The following CPT1A variants were observed in gnomAD, a reference collection of about 807,000 sequenced individuals.
CPT1A encodes the protein carnitine O-palmitoyltransferase 1, liver isoform.
In CPT1A, 64 loss-of-function variants were observed where a neutral mutation model predicts 100.8. That is an observed-to-expected ratio of 0.63 (90% CI 0.52 to 0.78). CPT1A has a LOEUF of 0.78. Among genes scored for constraint, CPT1A ranks in the 30% least tolerant of loss-of-function variants. The pLI is 0.00. For missense variants in CPT1A, 802 were observed against 1,034.1 expected (o/e 0.78, Z 3.08); for synonymous variants, 363 against 396.0 (o/e 0.92, Z 0.99).
intron 14 of CPT1A, among the ~76,000 whole-genome samples, chr11:68,764,930 G>A (rs777490473): frequency 3.1e-4 from 47 of 152,192 alleles, no homozygotes; most frequent in Non-Finnish European, 5.7e-4. Flanking sequence ...GTAGCTGGCC[G>A]CCTTGGGGAG....
intron 9 of CPT1A, among the ~76,000 whole-genome samples, chr11:68,790,635 G>T (rs1182490948): frequency 6.6e-6 from 1 of 152,068 alleles, no homozygotes; most frequent in African/African-American, 2.4e-5. Context: ...CTTGATCTCG[G>T]ACTCTGGCCT....
intron 9 of CPT1A, chr11:68,786,013 G>A (rs1465012846): frequency 1.4e-6 from 1 of 702,312 alleles, no homozygotes; most frequent in Admixed American, 2.0e-5. Flanking sequence ...GATGCACAGT[G>A]ACAGCTGATC....
intron 4 of CPT1A, among the ~76,000 whole-genome samples, chr11:68,804,987 G>C (rs550334892): frequency 1.3e-5 from 2 of 152,320 alleles, no homozygotes; most frequent in Admixed American, 6.5e-5. Context: ...TGGTACTGCA[G>C]GGCATTGGGA....
intron 7 of CPT1A, among the ~76,000 whole-genome samples, chr11:68,795,260 A>C (rs1186663365): frequency 6.6e-6 from 1 of 152,240 alleles, no homozygotes; most frequent in African/African-American, 2.4e-5. Flanking sequence ...AGGTTAAAAT[A>C]GTTGTTTATA....
chr11:68,764,306 C>T (rs1854722467), intron 14 of CPT1A, among the ~76,000 whole-genome samples: 1 of 152,220 alleles, frequency 6.6e-6, no homozygotes, highest in South Asian at 2.1e-4. Context: ...CAAATGATTC[C>T]TGACCAGACA....
At chr11:68,836,291 C>A (rs1309378082) in intron 1 of CPT1A, among the ~76,000 whole-genome samples, 1 of 152,096 alleles carries the variant, frequency 6.6e-6, no homozygotes, top group Non-Finnish European at 1.5e-5. Context: ...GCCTGGGCAA[C>A]ATAGTGAGGC....
At chr11:68,790,939 T>A (rs1855597449) in intron 9 of CPT1A, among the ~76,000 whole-genome samples, 1 of 152,154 alleles carries the variant, frequency 6.6e-6, no homozygotes, top group Admixed American at 6.5e-5. Flanking sequence ...TCCTCCTACC[T>A]CTGCCTCCTG....
intron 13 of CPT1A, among the ~76,000 whole-genome samples, chr11:68,774,375 C>T (rs1353412459): frequency 6.6e-6 from 1 of 152,088 alleles, no homozygotes; most frequent in African/African-American, 2.4e-5. Flanking sequence ...TTCAAATAGT[C>T]ACACGTCATC....
chr11:68,759,758 T>A (rs915484123), intron 17 of CPT1A, 97 bp from the exon 18 acceptor site: 3 of 910,302 alleles, frequency 3.3e-6, no homozygotes, highest in Non-Finnish European at 5.4e-6. Context: ...CGGGGCTCGG[T>A]GGCTTCTCCT....
rs761564882 is a variant in CPT1A, at chr11:68,812,590, C to T, written c.142-14G>A. 2.5e-6 allele frequency: 4 copies of T among 1,614,060 alleles called. No homozygotes were observed. Among genetic ancestry groups the T allele is most frequent in the East Asian group, 2.2e-5 (1 of 44,876 alleles). ...GATGATGCCGTTCTAAAGACAGACA[C>T]CCGGGCCGTGAGCGGTGTCCTCCCA... On this transcript the variant is annotated splice_polypyrimidine_tract_variant and intron_variant, in intron 2 of 18. Coordinates refer to ENST00000265641, the MANE Select transcript of CPT1A (RefSeq NM_001876.4).
Position 68,776,955 on chromosome 11 carries a change from CA to C in CPT1A, c.1459-1524del, listed in dbSNP as rs199845908. Among the ~76,000 whole-genome samples, 955 of 152,292 alleles carry C rather than the reference CA, an allele frequency of 6.3e-3. 11 individuals carry two copies. Among genetic ancestry groups the C allele is most frequent in the African/African-American group, 0.021 (893 of 41,562 alleles). ...TACATTCTAGTGAGGGAGGTAAAAA[CA>C]ACAACACAAGGTCGGGGTGACTGTC... On this transcript the variant is annotated intron_variant, in intron 12 of 18. Coordinates refer to ENST00000265641, the MANE Select transcript of CPT1A (RefSeq NM_001876.4).
intron 15 of CPT1A, 32 bp downstream of exon 15, chr11:68,762,595 C>T (rs1360636897): frequency 6.2e-7 from 1 of 1,611,856 alleles, no homozygotes; most frequent in Non-Finnish European, 8.5e-7. Flanking sequence ...GTGTGACAAG[C>T]ACGTTGTGTC....
At chr11:68,805,310 G>A (rs1285128536) in intron 4 of CPT1A, among the ~76,000 whole-genome samples, 1 of 152,058 alleles carries the variant, frequency 6.6e-6, no homozygotes, top group Non-Finnish European at 1.5e-5. Flanking sequence ...AATTAGCTGG[G>A]CGTGGTGGTG....
intron 10 of CPT1A, among the ~76,000 whole-genome samples, chr11:68,783,184 C>A (rs1855362236): frequency 6.6e-6 from 1 of 152,136 alleles, no homozygotes; most frequent in African/African-American, 2.4e-5. Context: ...CAGGCCCTCA[C>A]TACTTGGGCC....
chr11:68,769,913 G>C lies in CPT1A; in HGVS notation c.1740+3352C>G, dbSNP rs141836784. On this transcript the variant is annotated intron_variant, in intron 14 of 18. Coordinates refer to ENST00000265641, the MANE Select transcript of CPT1A (RefSeq NM_001876.4). ...AAGATACAAAAATTAGCCAGGTGTG[G>C]TGGCAGGCACCTGTAGTTTCAGCTA... 7.6e-4 allele frequency among the ~76,000 whole-genome samples: 116 copies of C among 152,238 alleles called. 1 individual carries two copies. The highest frequency in any genetic ancestry group is 4.1e-3 in the East Asian group (21 of 5,170).
Position 68,757,102 on chromosome 11 carries a change from CAGACGGGA to C in CPT1A, c.*534_*541del, listed in dbSNP as rs1416961156. ...GAGAGGCAAACACAGGCTACTGGAC[CAGACGGGA>C]ACGGTTACCCACGGTGACAAAAGCA... On this transcript the variant is annotated 3_prime_UTR_variant, in exon 19 of 19. Coordinates refer to ENST00000265641, the MANE Select transcript of CPT1A (RefSeq NM_001876.4). 5.8e-6 allele frequency: 1 copy of C among 173,168 alleles called. No individual in the cohort carries two copies. Among genetic ancestry groups the C allele is most frequent in the Non-Finnish European group, 1.2e-5 (1 of 81,986 alleles). The allele number at this position is 173,168 out of a possible 1,614,324, so 10.7% of individuals were successfully genotyped here.
chr11:68,801,773 A>G (rs982256202), intron 5 of CPT1A, among the ~76,000 whole-genome samples: 1 of 152,140 alleles, frequency 6.6e-6, no homozygotes, highest in African/African-American at 2.4e-5. Flanking sequence ...ATGTGGAAAA[A>G]CTAAAGCACC....
chr11:68,835,662 C>T (rs1856990567), intron 1 of CPT1A, among the ~76,000 whole-genome samples: 1 of 152,144 alleles, frequency 6.6e-6, no homozygotes, highest in African/African-American at 2.4e-5. Context: ...AAATGGAAAC[C>T]CAGAAACCCT....
chr11:68,769,246 C>T (rs1274809998), intron 14 of CPT1A, among the ~76,000 whole-genome samples: 1 of 152,034 alleles, frequency 6.6e-6, no homozygotes, highest in East Asian at 1.9e-4. Context: ...TTATTAAAAA[C>T]AATTTTTTTA....
Sources: gnomAD v4.1 joint callset for allele counts (sites outside exome capture counted in the v4.1 genomes callset) on GRCh38, gnomAD v4.1.1 for gene constraint, MANE v1.5 for transcripts, NCBI Gene and HGNC (gene_info 2026-07-23, HGNC 2026-07-21) for gene names.